KIT: variants seen among roughly 807,000 people sequenced by gnomAD.
KIT encodes KIT proto-oncogene, receptor tyrosine kinase.
Under a neutral mutation model 105.7 loss-of-function variants are expected in KIT, and 16 were observed. The ratio of observed to expected loss-of-function variants is 0.15; its 90% CI spans 0.10 to 0.23. The LOEUF (loss-of-function observed/expected upper bound fraction) is 0.23, where lower values mean the gene tolerates loss of function less well. Among genes scored for constraint, KIT ranks in the 10% least tolerant of loss-of-function variants. KIT has a pLI of 1.00. For synonymous variants in KIT, 438 were observed against 441.1 expected (o/e 0.99, Z 0.09); for missense variants, 858 against 1,213.8 (o/e 0.71, Z 4.36).
At chr4:54,675,850 C>T (rs976184874) in intron 1 of KIT, among the ~76,000 whole-genome samples, 1 of 152,170 alleles carries the variant, frequency 6.6e-6, no homozygotes, top group African/African-American at 2.4e-5. Flanking sequence ...AGATGTAGTG[C>T]ACCAGATTGA....
In KIT at chr4:54,676,281, C is replaced by G. The variant is rs543546888; in HGVS notation, c.67+18200C>G. 2.7e-3 allele frequency among the ~76,000 whole-genome samples: 413 copies of G among 152,228 alleles called. 1 individual carries two copies. Among genetic ancestry groups the G allele is most frequent in the Non-Finnish European group, 3.7e-3 (254 of 68,030 alleles). ...GAGTTGGAAACTCTGAGAGCAGGGC[C>G]CAGCCATCTGTTTTAACAAGCTCTC... On this transcript the variant is annotated intron_variant, in intron 1 of 20. Transcript: ENST00000288135.
Position 54,698,274 on chromosome 4 carries a change from G to A in KIT, c.338-10G>A. 1 of 1,612,788 alleles carries A rather than the reference G, an allele frequency of 6.2e-7. No homozygotes were observed. Among genetic ancestry groups the A allele is most frequent in the Non-Finnish European group, 8.5e-7 (1 of 1,179,268 alleles). The stretch of plus-strand genomic sequence containing the variant: ...CATTCCAACTACTGATTTTGGATAT[G>A]CTTCTATAGATCCTGCCAAGCTTTT... On this transcript the variant is annotated splice_polypyrimidine_tract_variant and intron_variant, in intron 2 of 20. Coordinates refer to ENST00000288135, the MANE Select transcript of KIT (RefSeq NM_000222.3).
intron 1 of KIT, among the ~76,000 whole-genome samples, chr4:54,691,843 T>C (rs1343389578): frequency 6.6e-6 from 1 of 151,914 alleles, no homozygotes; most frequent in African/African-American, 2.4e-5. Context: ...ATGGAAGGGA[T>C]ACAGGGTGTG....
chr4:54,732,126 G>A (rs1722650595), intron 16 of KIT, 128 bp downstream of exon 16: 1 of 1,086,242 alleles, frequency 9.2e-7, no homozygotes, highest in Admixed American at 2.7e-5. Flanking sequence ...TTTGAAGTGT[G>A]GTAACCAAAA....
chr4:54,687,427 C>G, intron 1 of KIT, among the ~76,000 whole-genome samples: 1 of 151,538 alleles, frequency 6.6e-6, no homozygotes. Context: ...GACGACAGAG[C>G]AAGACCCCAT....
chr4:54,701,722 A>C (rs3134885), intron 4 of KIT, among the ~76,000 whole-genome samples: 52,468 of 152,080 alleles, frequency 0.35, 10,874 homozygotes, highest in Middle Eastern at 0.57. Context: ...TGAAAGAACT[A>C]GAAGGAAGAT....
intron 1 of KIT, among the ~76,000 whole-genome samples, chr4:54,688,931 C>G (rs1405574416): frequency 6.6e-6 from 1 of 152,176 alleles, no homozygotes; most frequent in Non-Finnish European, 1.5e-5. Flanking sequence ...GGGCCAAAGC[C>G]TCTTCTTTGA....
chr4:54,675,346 C>CA (rs1230464859), intron 1 of KIT, among the ~76,000 whole-genome samples: 1 of 152,084 alleles, frequency 6.6e-6, no homozygotes, highest in Non-Finnish European at 1.5e-5. Flanking sequence ...TTGTTTTCCA[C>CA]AAAAAGATTG....
intron 6 of KIT, among the ~76,000 whole-genome samples, chr4:54,708,618 G>C (rs1317791733): frequency 6.6e-6 from 1 of 152,150 alleles, no homozygotes; most frequent in Non-Finnish European, 1.5e-5. Context: ...ATGGTACAGA[G>C]AACCCTGCGC....
At chr4:54,705,938 A>C (rs1243386720) in intron 5 of KIT, among the ~76,000 whole-genome samples, 1 of 152,236 alleles carries the variant, frequency 6.6e-6, no homozygotes, top group East Asian at 1.9e-4. Context: ...GGTATGCTAA[A>C]GTACTTAAAG....
chr4:54,740,355 T>C lies in KIT; in HGVS notation c.*1798T>C. On this transcript the variant is annotated 3_prime_UTR_variant, in exon 21 of 21. Transcript: ENST00000288135. The stretch of plus-strand genomic sequence containing the variant: ...TCAATGATAGTAAGAAAAGTGGTTG[T>C]TAGTTATAGATGTCTAGGTACTTCA... The C allele has an allele frequency of 4.3e-6, 1 of 233,580 alleles. No individual in the cohort carries two copies. Among genetic ancestry groups the C allele is most frequent in the East Asian group, 6.0e-5 (1 of 16,534 alleles). The allele number at this position is 233,580 out of a possible 1,614,324, so 14.5% of individuals were successfully genotyped here. A position where few individuals can be genotyped will look rare whatever the true frequency, so the allele number is the denominator to read the frequency against.
intron 1 of KIT, among the ~76,000 whole-genome samples, chr4:54,688,722 A>C (rs1384683119): frequency 6.6e-6 from 1 of 152,058 alleles, no homozygotes. Flanking sequence ...GTGAATTGAC[A>C]TGTTAAAAAA....
chr4:54,696,149 G>A (rs1014723191), intron 2 of KIT, among the ~76,000 whole-genome samples: 5 of 151,936 alleles, frequency 3.3e-5, no homozygotes, highest in Non-Finnish European at 7.4e-5. Context: ...TCAGGGAGCC[G>A]AAGGCCTCTC....
At chr4:54,715,365 T>C (rs1465935141) in intron 7 of KIT, among the ~76,000 whole-genome samples, 2 of 42,690 alleles carry the variant, frequency 4.7e-5, no homozygotes, top group African/African-American at 1.3e-4. Context: ...TTTGTGTTGC[T>C]GTTAAAAAAA....
intron 1 of KIT, among the ~76,000 whole-genome samples, chr4:54,679,308 G>A (rs1718738577): frequency 6.6e-6 from 1 of 152,168 alleles, no homozygotes; most frequent in Admixed American, 6.5e-5. Flanking sequence ...GCCTCTGCTT[G>A]TTATCCGGAG....
At chr4:54,727,363 G>A (rs776151806) in intron 10 of KIT, 39 bp downstream of exon 10, 1 of 1,613,738 alleles carries the variant, frequency 6.2e-7, no homozygotes, top group Admixed American at 1.7e-5. Context: ...GTGCTCTAAT[G>A]ACTGAGACAA....
chr4:54,719,369 G>A (rs1721710089), intron 7 of KIT, among the ~76,000 whole-genome samples: 1 of 152,128 alleles, frequency 6.6e-6, no homozygotes, highest in African/African-American at 2.4e-5. Context: ...TTTCCACATG[G>A]ACTGGATGGT....
In KIT at chr4:54,738,793, G is replaced by A. The variant is rs761142396; in HGVS notation, c.*236G>A. ...AGCAACGTAGCTTCTACCATGAACA[G>A]AAAACATTCTGATTTGGAAAAAGAG... is the stretch of plus-strand genomic sequence containing the variant. On this transcript the variant is annotated 3_prime_UTR_variant, in exon 21 of 21. Transcript: ENST00000288135. The A allele has an allele frequency of 1.1e-4, 66 of 610,888 alleles. 1 individual carries two copies. Among genetic ancestry groups the A allele is most frequent in the Non-Finnish European group, 1.7e-4 (59 of 343,884 alleles). The allele number at this position is 610,888 out of a possible 1,614,324, so 37.8% of individuals were successfully genotyped here. A position where few individuals can be genotyped will look rare whatever the true frequency, so the allele number is the denominator to read the frequency against.
At chr4:54,702,191 C>T (rs996717509) in intron 4 of KIT, among the ~76,000 whole-genome samples, 1 of 152,054 alleles carries the variant, frequency 6.6e-6, no homozygotes, top group Non-Finnish European at 1.5e-5. Flanking sequence ...TATAATTCCA[C>T]CGTCATAGAT....
Sources: allele counts gnomAD v4.1 joint callset (sites outside exome capture counted in the v4.1 genomes callset), GRCh38; gene constraint gnomAD v4.1.1; transcripts MANE v1.5; gene names NCBI Gene and HGNC (gene_info 2026-07-23, HGNC 2026-07-21).